INSL6: variants seen among roughly 807,000 people sequenced by gnomAD.
The protein encoded by INSL6 is insulin like 6, also known as insulin-like peptide INSL6.
In INSL6, 16 loss-of-function variants were observed where a neutral mutation model predicts 9.4. That is an observed-to-expected ratio of 1.70 (90% CI 1.15 to 2.59). The LOEUF (loss-of-function observed/expected upper bound fraction) is 2.59. Ranked by LOEUF, INSL6 falls within the 30% of genes most tolerant of loss-of-function variation. INSL6 has a pLI of 0.00. For synonymous variants in INSL6, 154 were observed against 96.9 expected (o/e 1.59, Z -3.46); for missense variants, 391 against 257.3 (o/e 1.52, Z -3.56).
At chr9:5,014,575 G>T in the INSL6 span, among the ~76,000 whole-genome samples, 1 of 152,198 alleles carries the variant, frequency 6.6e-6, no homozygotes, top group Non-Finnish European at 1.5e-5. Flanking sequence ...AGCAGGGACT[G>T]ATGGAGAAGG....
chr9:5,136,434 G>A (rs2094393), intron 2 of INSL6, among the ~76,000 whole-genome samples: 53,672 of 151,976 alleles, frequency 0.35, 10,159 homozygotes, highest in African/African-American at 0.5. Flanking sequence ...GATCAAGTCG[G>A]CTTCATTCCT....
the INSL6 span, among the ~76,000 whole-genome samples, chr9:5,117,751 GT>G: frequency 6.6e-6 from 1 of 151,930 alleles, no homozygotes. Context: ...AGAAACAAAA[GT>G]TTTTTGGCAA....
chr9:5,058,201 T>C, the INSL6 span, among the ~76,000 whole-genome samples: 3 of 152,208 alleles, frequency 2.0e-5, no homozygotes, highest in African/African-American at 7.2e-5. Context: ...TTTGGATATA[T>C]ACCTTCTATT....
the INSL6 span, among the ~76,000 whole-genome samples, chr9:5,051,838 G>A: frequency 2.0e-5 from 3 of 151,966 alleles, no homozygotes; most frequent in African/African-American, 7.2e-5. Flanking sequence ...ATCAATTTCT[G>A]TATTTCTCTC....
chr9:5,110,112 C>G, the INSL6 span: 1 of 152,188 alleles, frequency 6.6e-6, no homozygotes, highest in Non-Finnish European at 1.5e-5. Context: ...AATTCGCCTT[C>G]TCTTAGCAGC....
At chr9:5,126,185 G>A (rs534538172) in intron 3 of INSL6, 247 of 555,984 alleles carry the variant, frequency 4.4e-4, no homozygotes, top group Non-Finnish European at 7.3e-4. Flanking sequence ...TTATGTTTTT[G>A]ATCCTAAAAG....
At chr9:5,040,525 T>A in the INSL6 span, among the ~76,000 whole-genome samples, 2 of 152,208 alleles carry the variant, frequency 1.3e-5, no homozygotes, top group Non-Finnish European at 2.9e-5. Flanking sequence ...CACCCACAAA[T>A]GGGTTCCACA....
intron 3 of INSL6, chr9:5,126,558 T>C: frequency 1.1e-6 from 1 of 927,196 alleles, no homozygotes; most frequent in Non-Finnish European, 1.7e-6. Context: ...ATAAACAGCA[T>C]AATCAGATGA....
At chr9:5,083,569 T>C in the INSL6 span, among the ~76,000 whole-genome samples, 1 of 152,200 alleles carries the variant, frequency 6.6e-6, no homozygotes, top group African/African-American at 2.4e-5. Context: ...TAGATCTTGG[T>C]TTTTGTTTGC....
the INSL6 span, among the ~76,000 whole-genome samples, chr9:5,083,092 C>G: frequency 6.6e-6 from 1 of 152,286 alleles, no homozygotes; most frequent in South Asian, 2.1e-4. Flanking sequence ...ATTGACTTGA[C>G]CAAGAGACTG....
intron 3 of INSL6, chr9:5,128,080 TTGTGTGTGTGTGTG>T (rs139964957): frequency 2.0e-4 from 44 of 224,796 alleles, no homozygotes; most frequent in Admixed American, 4.1e-4. Flanking sequence ...ATGGTGGGTT[TTGTGTGTGTGTGTG>T]TGTGTGTGTG....
the INSL6 span, chr9:5,085,596 T>C: frequency 2.9e-6 from 2 of 696,658 alleles, no homozygotes; most frequent in Non-Finnish European, 5.4e-6. Context: ...CTATAGATAC[T>C]ACAGAAAGAA....
chr9:5,151,437 A>G (rs928285698), intron 2 of INSL6, among the ~76,000 whole-genome samples: 6 of 152,140 alleles, frequency 3.9e-5, no homozygotes, highest in African/African-American at 1.4e-4. Flanking sequence ...AAAGTAATAA[A>G]AATGTTTGTG....
At chr9:5,080,485 G>C in the INSL6 span, 1 of 1,542,654 alleles carries the variant, frequency 6.5e-7, no homozygotes, top group Non-Finnish European at 8.8e-7. Context: ...AAGAAGGTTG[G>C]TGTGGCATTA....
At chr9:5,112,912 C>T in the INSL6 span, 10 of 283,016 alleles carry the variant, frequency 3.5e-5, no homozygotes, top group Admixed American at 3.8e-4. Context: ...CCAGAACGCC[C>T]ACTTGAGGCC....
rs1361521231 is a variant in INSL6, at chr9:5,185,449, G to C, written c.154C>G (p.Gln52Glu). ...GGGGTTTCCTCCTCGAAACGGAACT[G>C]GCTCCAGTTGGCATGGCCGCAGAGT... Reference protein sequence around the residue: ...EKLCGHANWSQFRFEEETPFS... With the variant: ...EKLCGHANWSEFRFEEETPFS... Residue 52 changes from glutamine to glutamate, a missense_variant, in exon 1 of 2, where the codon CAG becomes GAG. Transcript: ENST00000381641. 2 of 1,614,184 alleles carry C rather than the reference G, an allele frequency of 1.2e-6. No homozygotes were observed. The highest frequency in any genetic ancestry group is 1.7e-6 in the Non-Finnish European group (2 of 1,180,036).
chr9:5,022,141 G>A, the INSL6 span: 2 of 1,614,084 alleles, frequency 1.2e-6, no homozygotes, highest in African/African-American at 2.7e-5. Flanking sequence ...GAAATCTGAG[G>A]CAGATTATCT....
the INSL6 span, among the ~76,000 whole-genome samples, chr9:5,060,145 C>A: frequency 6.6e-6 from 1 of 152,192 alleles, no homozygotes; most frequent in African/African-American, 2.4e-5. Flanking sequence ...ATTTAAAACA[C>A]TTTATTGCTA....
At chr9:5,029,776 T>C in the INSL6 span, 94 of 1,602,188 alleles carry the variant, frequency 5.9e-5, 2 homozygotes, top group East Asian at 2.1e-3. Flanking sequence ...CTCTGCTTCT[T>C]TTCTAGGTAT....
Sources: allele counts gnomAD v4.1 joint callset (sites outside exome capture counted in the v4.1 genomes callset), GRCh38; gene constraint gnomAD v4.1.1; transcripts MANE v1.5; gene names NCBI Gene and HGNC (gene_info 2026-07-23, HGNC 2026-07-21).